The following PCDH15 variants were observed in gnomAD, a reference collection of about 807,000 sequenced individuals.
PCDH15 encodes the protein protocadherin-15.
A neutral mutation model predicts 178.5 loss-of-function variants in PCDH15; 129 were observed. The observed-to-expected ratio is 0.72, with a 90% CI of 0.63 to 0.84. The LOEUF is 0.84. Ranked by LOEUF, PCDH15 falls within the 40% of genes least tolerant of loss-of-function variation. PCDH15 has a pLI of 0.00. For missense variants in PCDH15, 2,230 were observed against 2,099.9 expected (o/e 1.06, Z -1.21); for synonymous variants, 800 against 732.0 (o/e 1.09, Z -1.50).
Position 54,197,128 on chromosome 10 carries a change from G to T in PCDH15, c.1099-1239C>A, listed in dbSNP as rs573842575. On this transcript the variant is annotated intron_variant, in intron 10 of 37. Coordinates refer to ENST00000644397, the MANE Select transcript of PCDH15 (RefSeq NM_001384140.1). ...TTCATTGTAATGTTGTAGAAACTGT[G>T]AATTGCAATATTATTTAACTAGAAA... is the stretch of plus-strand genomic sequence containing the variant. 7.9e-5 allele frequency among the ~76,000 whole-genome samples: 12 copies of T among 152,112 alleles called. No individual in the cohort carries two copies. In the East Asian group the frequency reaches 1.7e-3, roughly 22 times the overall value.
chr10:53,941,064 G>A, intron 23 of PCDH15, 89 bp from the exon 24 acceptor site: 2 of 903,478 alleles, frequency 2.2e-6, no homozygotes, highest in Non-Finnish European at 1.8e-6. Context: ...AGAAAGATAA[G>A]AGATTTCTGA....
At chr10:55,527,910 T>A (rs747866361) in intron 2 of PCDH15, among the ~76,000 whole-genome samples, 22 of 152,208 alleles carry the variant, frequency 1.4e-4, no homozygotes, top group Non-Finnish European at 2.6e-4. Flanking sequence ...AAAACCAAGA[T>A]ACACTTCTGA....
At chr10:54,852,137 G>C (rs1953633145) in intron 3 of PCDH15, among the ~76,000 whole-genome samples, 1 of 152,184 alleles carries the variant, frequency 6.6e-6, no homozygotes, top group Admixed American at 6.5e-5. Flanking sequence ...AAGGTCTGCA[G>C]ACATAAGTGA....
intron 2 of PCDH15, among the ~76,000 whole-genome samples, chr10:55,057,664 C>G (rs1479629021): frequency 6.6e-6 from 1 of 151,970 alleles, no homozygotes; most frequent in Non-Finnish European, 1.5e-5. Context: ...CTTTCTTCTC[C>G]TCTCCCCTTT....
intron 21 of PCDH15, 54 bp from the exon 22 acceptor site, chr10:53,961,946 C>T (rs2134303717): frequency 2.2e-6 from 3 of 1,362,762 alleles, no homozygotes; most frequent in Non-Finnish European, 2.1e-6. Flanking sequence ...AAACACAGTG[C>T]AATGATAATA....
At chr10:53,999,819 C>T (rs940252362) in intron 20 of PCDH15, among the ~76,000 whole-genome samples, 1 of 152,166 alleles carries the variant, frequency 6.6e-6, no homozygotes, top group Non-Finnish European at 1.5e-5. Context: ...GCTTTGCCAC[C>T]TGCTGATTAT....
chr10:55,485,978 T>C (rs1002916309), intron 2 of PCDH15, among the ~76,000 whole-genome samples: 64 of 151,808 alleles, frequency 4.2e-4, no homozygotes, highest in African/African-American at 1.5e-3. Context: ...TGAGTTTCCC[T>C]GTCAAAAAAC....
intron 3 of PCDH15, among the ~76,000 whole-genome samples, chr10:54,499,287 T>C (rs1001328826): frequency 6.6e-6 from 1 of 152,170 alleles, no homozygotes; most frequent in East Asian, 1.9e-4. Context: ...AGCAAAGATA[T>C]TTGGGTTCTA....
At chr10:55,326,968 T>C (rs1844047715) in intron 2 of PCDH15, among the ~76,000 whole-genome samples, 1 of 152,094 alleles carries the variant, frequency 6.6e-6, no homozygotes, top group Non-Finnish European at 1.5e-5. Context: ...AGACCTTACA[T>C]AGTTTACAGA....
At chr10:55,278,603 G>A (rs1243531510) in intron 1 of PCDH15, among the ~76,000 whole-genome samples, 1 of 151,976 alleles carries the variant, frequency 6.6e-6, no homozygotes, top group Non-Finnish European at 1.5e-5. Flanking sequence ...ATCAACAGTA[G>A]GATTAGCTTC....
intron 2 of PCDH15, among the ~76,000 whole-genome samples, chr10:54,599,067 A>G (rs1271999315): frequency 6.6e-6 from 1 of 152,156 alleles, no homozygotes; most frequent in Non-Finnish European, 1.5e-5. Context: ...CAATTTGTAC[A>G]TAAAATGTTA....
chr10:54,127,595 C>T (rs1008215793), intron 15 of PCDH15, among the ~76,000 whole-genome samples: 5 of 152,066 alleles, frequency 3.3e-5, no homozygotes, highest in African/African-American at 1.2e-4. Context: ...TGAGGAAGGG[C>T]CAGCTGAGTA....
chr10:54,413,342 T>C (rs1953845636), intron 3 of PCDH15, among the ~76,000 whole-genome samples: 1 of 152,134 alleles, frequency 6.6e-6, no homozygotes, highest in African/African-American at 2.4e-5. Context: ...AACCACTTGA[T>C]CAAAGGTCAT....
chr10:53,841,224 T>A (rs1258892756), intron 28 of PCDH15, among the ~76,000 whole-genome samples: 1 of 152,160 alleles, frequency 6.6e-6, no homozygotes, highest in East Asian at 1.9e-4. Flanking sequence ...CATTCCTTAT[T>A]AAAAACTTTA....
At chr10:54,280,156 G>A (rs1219146674) in intron 8 of PCDH15, among the ~76,000 whole-genome samples, 5 of 151,544 alleles carry the variant, frequency 3.3e-5, no homozygotes, top group Admixed American at 2.6e-4. Context: ...TCACTTACAA[G>A]GTCACAGGAT....
upstream of PCDH15, among the ~76,000 whole-genome samples, chr10:55,320,951 A>G (rs1843882816): frequency 6.6e-6 from 1 of 152,146 alleles, no homozygotes; most frequent in African/African-American, 2.4e-5. Flanking sequence ...GAAATGACAG[A>G]AACAGAAAGC....
chr10:54,980,018 A>G (rs1218160159), intron 2 of PCDH15, among the ~76,000 whole-genome samples: 1 of 152,184 alleles, frequency 6.6e-6, no homozygotes, highest in Non-Finnish European at 1.5e-5. Context: ...GAACATCTGC[A>G]ATTGCTCTCC....
At chr10:55,457,096 C>T (rs975701696) in intron 2 of PCDH15, among the ~76,000 whole-genome samples, 5 of 152,046 alleles carry the variant, frequency 3.3e-5, no homozygotes, top group East Asian at 1.9e-4. Context: ...AGTCCTAAAA[C>T]GGCATATCAC....
At chr10:55,444,256 A>G (rs999671160) in intron 2 of PCDH15, among the ~76,000 whole-genome samples, 2 of 150,492 alleles carry the variant, frequency 1.3e-5, no homozygotes, top group African/African-American at 4.9e-5. Context: ...CACATTCTGC[A>G]CATGTACCCC....
Sources: gnomAD v4.1 joint callset for allele counts (sites outside exome capture counted in the v4.1 genomes callset) on GRCh38, gnomAD v4.1.1 for gene constraint, MANE v1.5 for transcripts, NCBI Gene and HGNC (gene_info 2026-07-23, HGNC 2026-07-21) for gene names.